Variants in PCDH15 observed in about 807,000 individuals in gnomAD.
PCDH15 encodes protocadherin-15.
A neutral mutation model predicts 178.5 loss-of-function variants in PCDH15; 129 were observed. The observed-to-expected ratio is 0.72, with a 90% CI of 0.63 to 0.84. The LOEUF (loss-of-function observed/expected upper bound fraction) is 0.84, where lower values mean the gene tolerates loss of function less well. Ranked by LOEUF, PCDH15 falls within the 40% of genes least tolerant of loss-of-function variation. PCDH15 has a pLI of 0.00. For synonymous variants in PCDH15, 800 were observed against 732.0 expected (o/e 1.09, Z -1.50); for missense variants, 2,230 against 2,099.9 (o/e 1.06, Z -1.21).
chr10:54,875,811 C>A (rs1954129839), intron 3 of PCDH15, among the ~76,000 whole-genome samples: 1 of 152,136 alleles, frequency 6.6e-6, no homozygotes, highest in South Asian at 2.1e-4. Context: ...AAGAAAGAAA[C>A]CATGTTCATA....
At chr10:54,548,886 G>A (rs1367804920) in intron 2 of PCDH15, among the ~76,000 whole-genome samples, 1 of 150,816 alleles carries the variant, frequency 6.6e-6, no homozygotes, top group African/African-American at 2.4e-5. Context: ...AAACATAATT[G>A]CTAGTGCTAG....
intron 2 of PCDH15, among the ~76,000 whole-genome samples, chr10:55,086,446 A>C (rs1842169302): frequency 6.6e-6 from 1 of 152,088 alleles, no homozygotes; most frequent in Admixed American, 6.6e-5. Context: ...ATAAAATAAC[A>C]TAGGTTCCCT....
At position 55,017,644 on chromosome 10, in the gene PCDH15, G is replaced by C. The variant is rs151114618; in HGVS notation, c.-79-120144C>G. Among the ~76,000 whole-genome samples, 584 of 152,056 alleles carry C rather than the reference G, an allele frequency of 3.8e-3. 3 individuals carry two copies. Among genetic ancestry groups the C allele is most frequent in the African/African-American group, 0.013 (537 of 41,508 alleles). ...AGTAGAATATCCTCTATATGCCCAA[G>C]AGAAATTTTACAATAATATGTCTTT... On this transcript the variant is annotated intron_variant, in intron 2 of 5. Transcript: ENST00000458638.
intron 15 of PCDH15, among the ~76,000 whole-genome samples, chr10:54,131,381 G>A (rs2042422343): frequency 1.3e-5 from 2 of 151,840 alleles, no homozygotes; most frequent in Non-Finnish European, 2.9e-5. Context: ...CAATAAATGA[G>A]TTCCCATGAA....
intron 2 of PCDH15, among the ~76,000 whole-genome samples, chr10:54,589,113 G>C (rs1477580002): frequency 6.6e-6 from 1 of 151,932 alleles, no homozygotes; most frequent in Admixed American, 6.6e-5. Context: ...TTTGATGTTA[G>C]TAATCATTAC....
At chr10:55,109,001 G>A (rs995845054) in intron 2 of PCDH15, among the ~76,000 whole-genome samples, 2 of 152,136 alleles carry the variant, frequency 1.3e-5, no homozygotes, top group African/African-American at 4.8e-5. Flanking sequence ...ACTAAGATGG[G>A]TAGGGCAACA....
intron 15 of PCDH15, among the ~76,000 whole-genome samples, chr10:54,130,545 G>T (rs2042350728): frequency 6.6e-6 from 1 of 152,104 alleles, no homozygotes; most frequent in Non-Finnish European, 1.5e-5. Flanking sequence ...AGGCAAAACT[G>T]CATTCATGCA....
intron 1 of PCDH15, among the ~76,000 whole-genome samples, chr10:54,709,672 T>C (rs1445732045): frequency 9.7e-6 from 1 of 103,394 alleles, no homozygotes; most frequent in Non-Finnish European, 2.1e-5. Flanking sequence ...TGTATAGTTA[T>C]GGGAGTAATG....
intron 2 of PCDH15, among the ~76,000 whole-genome samples, chr10:54,578,724 C>T (rs1004179558): frequency 6.6e-6 from 1 of 152,004 alleles, no homozygotes; most frequent in African/African-American, 2.4e-5. Flanking sequence ...TAAATCTGCT[C>T]CTCCTTTCCA....
At chr10:55,493,736 A>C (rs1840472634) in intron 2 of PCDH15, among the ~76,000 whole-genome samples, 1 of 151,846 alleles carries the variant, frequency 6.6e-6, no homozygotes, top group Admixed American at 6.6e-5. Context: ...CTGGCAGCTG[A>C]CCTGCCTTAT....
At chr10:55,377,960 G>T (rs1380368861) in intron 2 of PCDH15, among the ~76,000 whole-genome samples, 1 of 152,064 alleles carries the variant, frequency 6.6e-6, no homozygotes, top group Non-Finnish European at 1.5e-5. Context: ...CACAGGAACA[G>T]AAAACCAAAC....
In PCDH15 at chr10:54,296,816, C is replaced by A. The variant is rs551239155; in HGVS notation, c.876+20455G>T. Among the ~76,000 whole-genome samples, 365 of 152,238 alleles carry A rather than the reference C, an allele frequency of 2.4e-3. 3 individuals are homozygous for A. Among genetic ancestry groups the A allele is most frequent in the African/African-American group, 8.5e-3 (355 of 41,540 alleles). On this transcript the variant is annotated intron_variant, in intron 8 of 37. Transcript: ENST00000644397. ...GGACAAAAGGCATCACTCTTCCAAC[C>A]CTGGAGATCTCTTCCCTCTCTCAGG...
chr10:54,563,306 G>C (rs1366198240), intron 2 of PCDH15, among the ~76,000 whole-genome samples: 1 of 151,910 alleles, frequency 6.6e-6, no homozygotes, highest in African/African-American at 2.4e-5. Flanking sequence ...GCAATCCAAG[G>C]GCCTGGGGAA....
At chr10:55,011,696 T>C (rs1050234331) in intron 2 of PCDH15, among the ~76,000 whole-genome samples, 10 of 151,754 alleles carry the variant, frequency 6.6e-5, no homozygotes, top group Non-Finnish European at 1.0e-4. Flanking sequence ...GGGGAAGAAA[T>C]AGAAGTACAT....
intron 26 of PCDH15, among the ~76,000 whole-genome samples, chr10:53,878,904 G>A (rs2080482613): frequency 1.3e-5 from 2 of 152,082 alleles, no homozygotes; most frequent in Non-Finnish European, 2.9e-5. Flanking sequence ...GATTCTCTAA[G>A]GCTTTGCTCC....
chr10:54,425,372 T>A (rs1383991108), intron 3 of PCDH15, among the ~76,000 whole-genome samples: 1 of 152,102 alleles, frequency 6.6e-6, no homozygotes, highest in Non-Finnish European at 1.5e-5. Context: ...TCTCGCCATA[T>A]GATACCCTGT....
intron 28 of PCDH15, among the ~76,000 whole-genome samples, chr10:53,841,901 C>T (rs2077670070): frequency 7.1e-6 from 1 of 139,956 alleles, no homozygotes. Context: ...GTGGAGGTTG[C>T]AGTGACTCCA....
intron 2 of PCDH15, among the ~76,000 whole-genome samples, chr10:55,068,606 G>T (rs1042320615): frequency 4.6e-5 from 7 of 151,892 alleles, no homozygotes; most frequent in South Asian, 2.1e-4. Flanking sequence ...TGAATTTTAG[G>T]ATATTTTTTA....
intron 2 of PCDH15, among the ~76,000 whole-genome samples, chr10:55,524,480 A>G (rs1390386284): frequency 6.6e-6 from 1 of 151,664 alleles, no homozygotes; most frequent in African/African-American, 2.4e-5. Context: ...AATTATAATT[A>G]TACATTGAAA....
Sources: allele counts gnomAD v4.1 joint callset (sites outside exome capture counted in the v4.1 genomes callset), GRCh38; gene constraint gnomAD v4.1.1; transcripts MANE v1.5; gene names NCBI Gene and HGNC (gene_info 2026-07-23, HGNC 2026-07-21).